GPC6: variants seen among roughly 807,000 people sequenced by gnomAD.
GPC6 encodes the protein glypican 6.
Under a neutral mutation model 55.2 loss-of-function variants are expected in GPC6, and 14 were observed. The ratio of observed to expected loss-of-function variants is 0.25; its 90% CI spans 0.17 to 0.40. The LOEUF (loss-of-function observed/expected upper bound fraction) is 0.40, where lower values mean the gene tolerates loss of function less well. Among genes scored for constraint, GPC6 ranks in the 10% least tolerant of loss-of-function variants. The pLI, the probability that GPC6 is intolerant of heterozygous loss-of-function variation, is 1.00. For missense variants in GPC6, 641 were observed against 708.5 expected (o/e 0.90, Z 1.08); for synonymous variants, 278 against 259.6 (o/e 1.07, Z -0.68).
chr13:93,313,406 C>T (rs1301679932), intron 1 of GPC6, among the ~76,000 whole-genome samples: 1 of 152,000 alleles, frequency 6.6e-6, no homozygotes, highest in Non-Finnish European at 1.5e-5. Flanking sequence ...ATCAGTTTTT[C>T]AACTGTTAGT....
intron 4 of GPC6, among the ~76,000 whole-genome samples, chr13:94,067,291 CA>C (rs1225316691): frequency 6.6e-6 from 1 of 152,152 alleles, no homozygotes; most frequent in Non-Finnish European, 1.5e-5. Context: ...AAGTTTAACT[CA>C]GTCCTTTGTT....
intron 4 of GPC6, among the ~76,000 whole-genome samples, chr13:94,039,454 T>A (rs1883455315): frequency 6.6e-6 from 1 of 151,492 alleles, no homozygotes. Context: ...TAAATAGAGG[T>A]GACTGAAAGA....
At chr13:93,669,832 A>G (rs1881287745) in intron 2 of GPC6, among the ~76,000 whole-genome samples, 1 of 133,928 alleles carries the variant, frequency 7.5e-6, no homozygotes, top group South Asian at 2.4e-4. Context: ...GAAAGCCTTA[A>G]GAAAAAAAAA....
At chr13:93,581,152 C>T (rs73541546) in intron 2 of GPC6, among the ~76,000 whole-genome samples, 9,077 of 152,210 alleles carry the variant, frequency 0.06, 869 homozygotes, top group African/African-American at 0.2. Context: ...AAAAGGCTGA[C>T]TCTCAAATCT....
chr13:93,607,205 T>C (rs1042002238), intron 2 of GPC6, among the ~76,000 whole-genome samples: 1 of 152,216 alleles, frequency 6.6e-6, no homozygotes, highest in South Asian at 2.1e-4. Flanking sequence ...ATATGACATC[T>C]GAATACAATG....
rs1881606692 is a variant in GPC6, at chr13:93,676,129, ATATATATATATATATATATAT to A, written c.319+130709_319+130729del. The stretch of plus-strand genomic sequence containing the variant: ...ACTAAAAAAAAAAAAAAAAAAAAAT[ATATATATATATATATATATAT>A]ATATATATATATATATATACATACA... On this transcript the variant is annotated intron_variant, in intron 2 of 8. Coordinates refer to ENST00000377047, the MANE Select transcript of GPC6 (RefSeq NM_005708.5). Among the ~76,000 whole-genome samples the A allele has an allele frequency of 1.5e-3, 11 of 7,246 alleles. 1 individual carries two copies. The highest frequency in any genetic ancestry group is 6.5e-3 in the Non-Finnish European group (6 of 918). The allele number at this position is 7,246 out of a possible 152,430, so 4.8% of individuals were successfully genotyped here. A position where few individuals can be genotyped will look rare whatever the true frequency, so the allele number is the denominator to read the frequency against.
rs570557131 is a variant in GPC6, at chr13:93,380,816, T to C, written c.160+153200T>C. On this transcript the variant is annotated intron_variant, in intron 1 of 8. Transcript: ENST00000377047. ...TTCTTACTCATTGTCTTAGATTGACTCTAGCAAAGACACCCCATGCAATAT... is the reference window on the plus strand; with the variant it reads ...TTCTTACTCATTGTCTTAGATTGACCCTAGCAAAGACACCCCATGCAATAT... 2.0e-5 allele frequency among the ~76,000 whole-genome samples: 3 copies of C among 152,300 alleles called. No homozygotes were observed. The South Asian group carries it at 6.2e-4, about 32-fold the overall frequency.
At chr13:93,563,774 G>A (rs1380170487) in intron 2 of GPC6, among the ~76,000 whole-genome samples, 47 of 150,552 alleles carry the variant, frequency 3.1e-4, no homozygotes, top group African/African-American at 1.1e-3. Flanking sequence ...AAAAAAAAAA[G>A]ACTAATCCTG....
At chr13:94,388,368 C>G (rs1880502826) in intron 7 of GPC6, among the ~76,000 whole-genome samples, 1 of 152,154 alleles carries the variant, frequency 6.6e-6, no homozygotes, top group Non-Finnish European at 1.5e-5. Context: ...ATAACATCAC[C>G]CACTAATGAT....
At chr13:94,011,857 A>G (rs1007370122) in intron 3 of GPC6, among the ~76,000 whole-genome samples, 2 of 152,164 alleles carry the variant, frequency 1.3e-5, no homozygotes, top group African/African-American at 4.8e-5. Flanking sequence ...GAAATCCATC[A>G]TTCATTTTCA....
intron 3 of GPC6, among the ~76,000 whole-genome samples, chr13:93,834,735 C>G (rs1478889076): frequency 6.6e-6 from 1 of 152,180 alleles, no homozygotes; most frequent in Non-Finnish European, 1.5e-5. Flanking sequence ...GAGCTACCCT[C>G]AGTTGTTTGT....
chr13:93,538,950 T>A (rs938464656), intron 1 of GPC6, among the ~76,000 whole-genome samples: 1 of 152,026 alleles, frequency 6.6e-6, no homozygotes, highest in Admixed American at 6.6e-5. Context: ...TTATTATACT[T>A]TAAGTTTTAG....
intron 4 of GPC6, among the ~76,000 whole-genome samples, chr13:94,131,773 A>G (rs978414024): frequency 2.0e-5 from 3 of 152,166 alleles, no homozygotes; most frequent in African/African-American, 7.2e-5. Flanking sequence ...TCATCTCTCA[A>G]AGACGTAAAA....
At chr13:94,373,572 C>T (rs1372101849) in intron 6 of GPC6, among the ~76,000 whole-genome samples, 1 of 152,028 alleles carries the variant, frequency 6.6e-6, no homozygotes, top group Admixed American at 6.6e-5. Context: ...TGTGAAAAGA[C>T]CAAATCTACG....
intron 3 of GPC6, among the ~76,000 whole-genome samples, chr13:94,002,580 G>T (rs1288219646): frequency 6.6e-6 from 1 of 152,174 alleles, no homozygotes; most frequent in African/African-American, 2.4e-5. Context: ...CACACTTAAA[G>T]TAGGGATGTA....
chr13:93,975,503 A>C (rs1259731264), intron 3 of GPC6, among the ~76,000 whole-genome samples: 1 of 152,212 alleles, frequency 6.6e-6, no homozygotes. Flanking sequence ...CTGTTATGCA[A>C]ATCAGACTTG....
intron 4 of GPC6, among the ~76,000 whole-genome samples, chr13:94,108,605 C>G (rs762941009): frequency 3.4e-4 from 51 of 152,100 alleles, no homozygotes; most frequent in Non-Finnish European, 5.9e-4. Context: ...CTTTGGGAGG[C>G]CAAGGCGGGT....
At chr13:94,100,664 T>G (rs929697012) in intron 4 of GPC6, among the ~76,000 whole-genome samples, 2 of 152,232 alleles carry the variant, frequency 1.3e-5, no homozygotes, top group African/African-American at 4.8e-5. Flanking sequence ...TTGGTCCAAA[T>G]GGTCACTTGC....
intron 3 of GPC6, among the ~76,000 whole-genome samples, chr13:94,006,550 G>A (rs1882028382): frequency 6.6e-6 from 1 of 152,204 alleles, no homozygotes. Context: ...GCTAGTTGAA[G>A]TAAACATTAA....
Sources: allele counts gnomAD v4.1 joint callset (sites outside exome capture counted in the v4.1 genomes callset), GRCh38; gene constraint gnomAD v4.1.1; transcripts MANE v1.5; gene names NCBI Gene and HGNC (gene_info 2026-07-23, HGNC 2026-07-21).